CPOX: variants seen among roughly 807,000 people sequenced by gnomAD.
CPOX encodes the protein oxygen-dependent coproporphyrinogen-III oxidase, mitochondrial.
In CPOX, 24 loss-of-function variants were observed where a neutral mutation model predicts 48.9. The observed-to-expected ratio is 0.49, with a 90% CI of 0.36 to 0.69. The LOEUF (loss-of-function observed/expected upper bound fraction) is 0.69, where lower values mean the gene tolerates loss of function less well. CPOX is among the 30% of genes least tolerant of loss of function. The pLI is 0.00. For synonymous variants in CPOX, 249 were observed against 234.6 expected (o/e 1.06, Z -0.56); for missense variants, 549 against 597.3 (o/e 0.92, Z 0.84).
chr3:98,583,466 C>G (rs1371246060), intron 5 of CPOX, among the ~76,000 whole-genome samples: 1 of 152,132 alleles, frequency 6.6e-6, no homozygotes, highest in Non-Finnish European at 1.5e-5. Context: ...CATCTGTCCT[C>G]TCTGGGGTGC....
At chr3:98,588,907 CT>C in intron 3 of CPOX, 53 bp from the exon 4 acceptor site, 3 of 1,597,256 alleles carry the variant, frequency 1.9e-6, no homozygotes, top group Non-Finnish European at 2.6e-6. Flanking sequence ...TTCAGCATTA[CT>C]GGCTATATTA....
At chr3:98,590,373 T>C (rs1232751404) in intron 3 of CPOX, 6 of 475,540 alleles carry the variant, frequency 1.3e-5, no homozygotes, top group African/African-American at 7.9e-5. Context: ...GGTCTCAAAC[T>C]CCTAACCTCA....
intron 5 of CPOX, among the ~76,000 whole-genome samples, chr3:98,584,636 A>T (rs1707324241): frequency 1.3e-5 from 2 of 152,188 alleles, no homozygotes; most frequent in Non-Finnish European, 2.9e-5. Flanking sequence ...TTTTATAGCC[A>T]TGTTTCAGTA....
At chr3:98,575,130 T>C (rs1490781992), downstream of CPOX, among the ~76,000 whole-genome samples, 1 of 152,240 alleles carries the variant, frequency 6.6e-6, no homozygotes, top group Non-Finnish European at 1.5e-5. Flanking sequence ...GAAAGCATTA[T>C]TCACTTGCTA....
chr3:98,584,745 T>G (rs562765161), intron 5 of CPOX, among the ~76,000 whole-genome samples: 3 of 152,282 alleles, frequency 2.0e-5, no homozygotes, highest in East Asian at 3.9e-4. Context: ...GGAGACAGCC[T>G]CAGACTGGAC....
Position 98,580,529 on chromosome 3 carries a change from T to C in CPOX, c.*154A>G, listed in dbSNP as rs889248142. On this transcript the variant is annotated 3_prime_UTR_variant, in exon 7 of 7. Coordinates refer to ENST00000647941, the MANE Select transcript of CPOX (RefSeq NM_000097.7). ...ATCTCACCATTCATCACTGACAGCA[T>C]CCAAAACATGTTATCATCTGCCCAC... 8.0e-6 allele frequency: 12 copies of C among 1,492,348 alleles called. No homozygotes were observed. Among genetic ancestry groups the C allele is most frequent in the Non-Finnish European group, 1.1e-5 (12 of 1,122,044 alleles). 92.4% of individuals were successfully genotyped at this position (1,492,348 alleles called of 1,614,324 possible).
chr3:98,585,486 G>A lies in CPOX; in HGVS notation c.1127C>T (p.Ser376Leu), dbSNP rs754638898. ...IPLVKKHCDD[S>L]FTPQEKLWQQ... ...CCACAGCTTCTCCTGGGGGGTGAAT[G>A]AGTCATCACAGTGCTTTTTCACAAG... The change falls in exon 5 of 7, where the codon TCA becomes TTA. Residue 376 changes from serine (S) to leucine (L), a missense_variant. Physicochemically the swap from Ser to Leu is moderately radical, Grantham distance 145. Around this residue, in one of 2 missense-constraint regions of CPOX, gnomAD observed 213 missense variants for 279.1 expected, o/e 0.76. Transcript: ENST00000647941. The A allele has an allele frequency of 1.1e-5, 18 of 1,613,976 alleles. No homozygotes were observed. In the South Asian group the frequency reaches 1.8e-4, roughly 16 times the overall value.
At chr3:98,583,207 C>T (rs1317781731) in intron 5 of CPOX, among the ~76,000 whole-genome samples, 1 of 152,112 alleles carries the variant, frequency 6.6e-6, no homozygotes. Flanking sequence ...GGCCTCTCTA[C>T]CTCCCACCAA....
chr3:98,571,695 AAAAG>A, the CPOX span, among the ~76,000 whole-genome samples: 6 of 141,624 alleles, frequency 4.2e-5, no homozygotes, highest in African/African-American at 7.9e-5. Context: ...CTCAAAAAAA[AAAAG>A]AAAAAAGAAA....
intron 4 of CPOX, 48 bp from the exon 5 acceptor site, chr3:98,585,707 G>A: frequency 6.9e-7 from 1 of 1,452,602 alleles, no homozygotes; most frequent in Non-Finnish European, 9.7e-7. Context: ...GAAAAAAACA[G>A]ACATGAAAAT....
intron 4 of CPOX, among the ~76,000 whole-genome samples, chr3:98,586,105 C>T (rs768223956): frequency 6.6e-6 from 1 of 152,062 alleles, no homozygotes; most frequent in Admixed American, 6.5e-5. Context: ...ATCTCCTGAC[C>T]TCGTGATCTG....
rs75986763 is a variant in CPOX at position 98,593,558 on chromosome 3, G to A, written c.-54C>T. On this transcript the variant is annotated 5_prime_UTR_variant, in exon 1 of 7. Transcript: ENST00000647941. ...CTGCGTCCCAGAGCCCTGCGTTTGAGCCCCCCACCCAGACCCCCGGAGTAT... is the reference window on the plus strand; with the variant it reads ...CTGCGTCCCAGAGCCCTGCGTTTGAACCCCCCACCCAGACCCCCGGAGTAT... 3,336 of 1,486,782 alleles carry A rather than the reference G, an allele frequency of 2.2e-3. 89 individuals carry two copies. In the East Asian group the frequency reaches 0.044, roughly 19 times the overall value. The allele number at this position is 1,486,782 out of a possible 1,614,324, so 92.1% of individuals were successfully genotyped here.
At chr3:98,586,633 A>G (rs1181074471) in intron 4 of CPOX, among the ~76,000 whole-genome samples, 1 of 152,168 alleles carries the variant, frequency 6.6e-6, no homozygotes, top group African/African-American at 2.4e-5. Flanking sequence ...TATGACTACT[A>G]GAACAGGTTT....
Position 98,593,508 on chromosome 3 carries a change from C to T in CPOX, c.-4G>A. On this transcript the variant is annotated 5_prime_UTR_variant, in exon 1 of 7. Coordinates refer to ENST00000647941, the MANE Select transcript of CPOX (RefSeq NM_000097.7). The stretch of plus-strand genomic sequence containing the variant: ...GCCTGCCCAGCTGCAAGGCCATGTT[C>T]CCGCACTATCACCTGGAGCAGTGCC... 2 of 1,521,938 alleles carry T rather than the reference C, an allele frequency of 1.3e-6. No homozygotes were observed. The highest frequency in any genetic ancestry group is 1.8e-6 in the Non-Finnish European group (2 of 1,141,212). The allele number at this position is 1,521,938 out of a possible 1,614,324, so 94.3% of individuals were successfully genotyped here. A position where few individuals can be genotyped will look rare whatever the true frequency, so the allele number is the denominator to read the frequency against.
At chr3:98,589,138 A>G (rs1707425513) in intron 3 of CPOX, among the ~76,000 whole-genome samples, 1 of 152,110 alleles carries the variant, frequency 6.6e-6, no homozygotes, top group African/African-American at 2.4e-5. Context: ...TGGCCAATAT[A>G]TGGTGAAACC....
At chr3:98,582,182 T>C (rs1164204814) in intron 5 of CPOX, among the ~76,000 whole-genome samples, 1 of 152,180 alleles carries the variant, frequency 6.6e-6, no homozygotes, top group Non-Finnish European at 1.5e-5. Flanking sequence ...CTTGGTTCAA[T>C]ATGTTAACTC....
At chr3:98,584,211 A>G (rs1470909830) in intron 5 of CPOX, among the ~76,000 whole-genome samples, 1 of 152,172 alleles carries the variant, frequency 6.6e-6, no homozygotes, top group Non-Finnish European at 1.5e-5. Context: ...AGAGTTCTAA[A>G]TTGTCCTCTT....
chr3:98,589,272 T>C (rs904081713), intron 3 of CPOX, among the ~76,000 whole-genome samples: 8 of 152,040 alleles, frequency 5.3e-5, no homozygotes, highest in African/African-American at 1.4e-4. Flanking sequence ...TGAGCTGAGA[T>C]AGCGCCACTG....
Position 98,590,718 on chromosome 3 carries a change from C to T in CPOX, c.725G>A (p.Gly242Asp). The change falls in exon 3 of 7, where the codon GGC becomes GAC. Residue 242 changes from glycine to aspartate, a missense_variant. Physicochemically the swap from Gly to Asp is moderately conservative, Grantham distance 94. Coordinates refer to ENST00000647941, the MANE Select transcript of CPOX (RefSeq NM_000097.7). ...CTTGGGGTGGATAACAGAGCTCACG[C>T]CCATAGCACAAAATGGCAATTTACC... is the stretch of plus-strand genomic sequence containing the variant. ...KDGKLPFCAM[G>D]VSSVIHPKNP... 1 of 1,613,834 alleles carries T rather than the reference C, an allele frequency of 6.2e-7. No individual in the cohort carries two copies. The highest frequency in any genetic ancestry group is 8.5e-7 in the Non-Finnish European group (1 of 1,179,788).
Sources: allele counts gnomAD v4.1 joint callset (sites outside exome capture counted in the v4.1 genomes callset), GRCh38; gene constraint gnomAD v4.1.1; regional missense constraint gnomAD v4.1.1; transcripts MANE v1.5; gene names NCBI Gene and HGNC (gene_info 2026-07-23, HGNC 2026-07-21).